RABGAP1L: variants seen among roughly 807,000 people sequenced by gnomAD.
RABGAP1L encodes RAB GTPase activating protein 1 like, also known as rab GTPase-activating protein 1-like.
RABGAP1L carries 63 observed loss-of-function variants against 137.7 expected under a neutral mutation model. That is an observed-to-expected ratio of 0.46 (90% CI 0.37 to 0.56). The LOEUF is 0.56. Among genes scored for constraint, RABGAP1L ranks in the 20% least tolerant of loss-of-function variants. RABGAP1L has a pLI of 0.00. For missense variants in RABGAP1L, 1,095 were observed against 1,244.0 expected, an observed-to-expected ratio of 0.88 and a Z score of 1.80; for synonymous variants, 431 against 433.7, an observed-to-expected ratio of 0.99 and a Z score of 0.08.
At chr1:174,437,783 G>T (rs919631834) in intron 13 of RABGAP1L, among the ~76,000 whole-genome samples, 3 of 152,040 alleles carry the variant, frequency 2.0e-5, no homozygotes, top group African/African-American at 7.2e-5. Flanking sequence ...TTACCACAGT[G>T]GAAATGAAGG....
intron 8 of RABGAP1L, among the ~76,000 whole-genome samples, chr1:174,274,051 C>A (rs143827784): frequency 6.6e-6 from 1 of 152,102 alleles, no homozygotes; most frequent in African/African-American, 2.4e-5. Context: ...AAGAGAAACT[C>A]ATTACCTTAT....
chr1:174,212,343 G>A (rs1304065329), intron 1 of RABGAP1L, among the ~76,000 whole-genome samples: 1 of 151,798 alleles, frequency 6.6e-6, no homozygotes, highest in South Asian at 2.1e-4. Context: ...CCGTTAAAAA[G>A]GCAATTACTT....
intron 13 of RABGAP1L, among the ~76,000 whole-genome samples, chr1:174,420,538 ACATT>A (rs1651134546): frequency 6.6e-6 from 1 of 152,164 alleles, no homozygotes; most frequent in South Asian, 2.1e-4. Flanking sequence ...TTTTTAAATG[ACATT>A]CATCATTTAA....
chr1:174,848,843 A>G (rs1471709245), intron 19 of RABGAP1L, among the ~76,000 whole-genome samples: 3 of 151,204 alleles, frequency 2.0e-5, no homozygotes, highest in African/African-American at 7.3e-5. Context: ...GCCGCCTTGC[A>G]GTTTGATCTC....
At chr1:174,516,917 A>C (rs1248520063) in intron 13 of RABGAP1L, among the ~76,000 whole-genome samples, 1 of 143,406 alleles carries the variant, frequency 7.0e-6, no homozygotes, top group Admixed American at 7.2e-5. Context: ...ACAGAGCGAG[A>C]CTCTGTCTCA....
intron 13 of RABGAP1L, among the ~76,000 whole-genome samples, chr1:174,456,091 C>A (rs1656011220): frequency 6.6e-6 from 1 of 151,864 alleles, no homozygotes; most frequent in Admixed American, 6.5e-5. Flanking sequence ...GAATTTTTTT[C>A]TTTTAATTTG....
At chr1:174,330,969 G>A (rs569127564) in intron 11 of RABGAP1L, among the ~76,000 whole-genome samples, 1 of 152,156 alleles carries the variant, frequency 6.6e-6, no homozygotes, top group Admixed American at 6.5e-5. Flanking sequence ...AAACAGTATG[G>A]CATTGGCATA....
At chr1:174,853,587 C>T (rs1487079572) in intron 19 of RABGAP1L, among the ~76,000 whole-genome samples, 1 of 152,004 alleles carries the variant, frequency 6.6e-6, no homozygotes, top group Non-Finnish European at 1.5e-5. Flanking sequence ...AAAAATTAGC[C>T]AGGCATGGTG....
chr1:174,508,847 A>G (rs1558294359), intron 13 of RABGAP1L, among the ~76,000 whole-genome samples: 1 of 152,148 alleles, frequency 6.6e-6, no homozygotes, highest in African/African-American at 2.4e-5. Flanking sequence ...ATATACAAAC[A>G]ATGCCTATTT....
At chr1:174,911,525 G>C (rs1660053466) in intron 19 of RABGAP1L, among the ~76,000 whole-genome samples, 1 of 152,168 alleles carries the variant, frequency 6.6e-6, no homozygotes, top group African/African-American at 2.4e-5. Context: ...ATGTGCTTAG[G>C]AGACTGGAGA....
chr1:174,406,494 T>TATG (rs1233040271), intron 13 of RABGAP1L, among the ~76,000 whole-genome samples: 1 of 152,214 alleles, frequency 6.6e-6, no homozygotes, highest in Non-Finnish European at 1.5e-5. Context: ...ATTTCATGGC[T>TATG]TACATGGTTT....
chr1:174,949,596 G>A (rs182178388), intron 19 of RABGAP1L, among the ~76,000 whole-genome samples: 2 of 152,242 alleles, frequency 1.3e-5, no homozygotes, highest in East Asian at 3.9e-4. Context: ...TAAATATCTT[G>A]AATGTTAACC....
At chr1:174,405,308 TA>T (rs1448487991) in intron 13 of RABGAP1L, among the ~76,000 whole-genome samples, 1 of 152,220 alleles carries the variant, frequency 6.6e-6, no homozygotes, top group Non-Finnish European at 1.5e-5. Context: ...GTTTACTTTT[TA>T]AACATTAAGG....
At chr1:174,332,483 A>C (rs1029441761) in intron 11 of RABGAP1L, among the ~76,000 whole-genome samples, 1 of 151,928 alleles carries the variant, frequency 6.6e-6, no homozygotes, top group African/African-American at 2.4e-5. Flanking sequence ...TGCAACCTCT[A>C]CGTCTGGGTT....
rs765355576 is a variant in RABGAP1L, at chr1:174,220,956, C to T, written c.139-16C>T. 1.2e-5 allele frequency: 19 copies of T among 1,575,176 alleles called. No homozygotes were observed. In the Admixed American group the frequency reaches 2.4e-4, roughly 20 times the overall value. On this transcript the variant is annotated splice_polypyrimidine_tract_variant and intron_variant, in intron 2 of 25. Coordinates refer to ENST00000681986, the MANE Select transcript of RABGAP1L (RefSeq NM_001366446.1). ...TATGGTAGAATTGAAACAGAATTGT[C>T]TTGCTGTGTCTGTAGATAGTTTCTA...
intron 17 of RABGAP1L, among the ~76,000 whole-genome samples, chr1:174,714,599 A>T (rs1471640670): frequency 2.6e-5 from 4 of 152,200 alleles, no homozygotes; most frequent in African/African-American, 9.6e-5. Context: ...AAGTTGTTTT[A>T]GTTTAGATAT....
intron 24 of RABGAP1L, among the ~76,000 whole-genome samples, chr1:174,984,345 T>C (rs1355139972): frequency 6.6e-6 from 1 of 152,232 alleles, no homozygotes; most frequent in Admixed American, 6.5e-5. Context: ...GCTATTAGAC[T>C]GCCATTTTGT....
chr1:174,400,505 A>G lies in RABGAP1L; in HGVS notation c.1710+6360A>G, dbSNP rs114295495. ...TCCCTCCTAAGAGGAGCATAAGGTCATAGTTGACTTATTTGTATAGTTATT... is the reference window on the plus strand; with the variant it reads ...TCCCTCCTAAGAGGAGCATAAGGTCGTAGTTGACTTATTTGTATAGTTATT... On this transcript the variant is annotated intron_variant, in intron 13 of 25. Transcript: ENST00000681986. 3.8e-3 allele frequency among the ~76,000 whole-genome samples: 581 copies of G among 152,248 alleles called. 4 individuals carry two copies. Among genetic ancestry groups the G allele is most frequent in the African/African-American group, 0.012 (501 of 41,544 alleles).
intron 19 of RABGAP1L, among the ~76,000 whole-genome samples, chr1:174,912,523 A>G (rs1239760176): frequency 6.6e-6 from 1 of 152,220 alleles, no homozygotes. Context: ...AAAGCAAAGT[A>G]TAACCATGTG....
Sources: gnomAD v4.1 joint callset for allele counts (sites outside exome capture counted in the v4.1 genomes callset) on GRCh38, gnomAD v4.1.1 for gene constraint, MANE v1.5 for transcripts, NCBI Gene and HGNC (gene_info 2026-07-23, HGNC 2026-07-21) for gene names.